The following RIMS2 variants were observed in gnomAD, a reference collection of about 807,000 sequenced individuals.
The protein encoded by RIMS2 is regulating synaptic membrane exocytosis 2.
A neutral mutation model predicts 174.4 loss-of-function variants in RIMS2; 59 were observed. That is an observed-to-expected ratio of 0.34 (90% confidence interval 0.27 to 0.42). The LOEUF is 0.42. RIMS2 is among the 10% of genes least tolerant of loss of function. The probability of loss-of-function intolerance (pLI) is 1.00; values close to 1 mark genes in which losing one functional copy is unlikely to be tolerated. For missense variants in RIMS2, 1,620 were observed against 1,666.3 expected (o/e 0.97, Z 0.48); for synonymous variants, 606 against 572.5 (o/e 1.06, Z -0.84).
At chr8:103,880,960 C>G (rs2099164434) in intron 3 of RIMS2, among the ~76,000 whole-genome samples, 1 of 151,312 alleles carries the variant, frequency 6.6e-6, no homozygotes, top group Non-Finnish European at 1.5e-5. Flanking sequence ...TGAAGTATTA[C>G]ATTAGTTTAT....
At chr8:103,761,679 A>G (rs1005644139) in intron 2 of RIMS2, among the ~76,000 whole-genome samples, 3 of 152,238 alleles carry the variant, frequency 2.0e-5, no homozygotes, top group Non-Finnish European at 4.4e-5. Context: ...AGAGGAAAGG[A>G]AATAAGTTGT....
intron 19 of RIMS2, among the ~76,000 whole-genome samples, chr8:104,216,022 A>G (rs2099128145): frequency 6.6e-6 from 1 of 152,200 alleles, no homozygotes; most frequent in South Asian, 2.1e-4. Context: ...ATTTTTGGAA[A>G]TATACTTTCA....
At chr8:103,703,842 T>A (rs2097194547) in intron 2 of RIMS2, among the ~76,000 whole-genome samples, 1 of 152,156 alleles carries the variant, frequency 6.6e-6, no homozygotes, top group Non-Finnish European at 1.5e-5. Context: ...TGATTTTGTA[T>A]CCTGTAACTT....
At chr8:103,894,582 A>C (rs766318728) in intron 4 of RIMS2, among the ~76,000 whole-genome samples, 11 of 151,640 alleles carry the variant, frequency 7.3e-5, no homozygotes, top group Non-Finnish European at 1.2e-4. Flanking sequence ...ATGAAAAGAA[A>C]ATTTTTGAAG....
intron 19 of RIMS2, among the ~76,000 whole-genome samples, chr8:104,100,959 T>C (rs375907313): frequency 4.0e-5 from 5 of 123,638 alleles, no homozygotes; most frequent in East Asian, 5.2e-4. Context: ...GTATATATGA[T>C]ATATTATATA....
At chr8:103,733,187 T>G (rs902574148) in intron 2 of RIMS2, among the ~76,000 whole-genome samples, 2 of 152,066 alleles carry the variant, frequency 1.3e-5, no homozygotes, top group Non-Finnish European at 2.9e-5. Context: ...GGCAGCGGGT[T>G]CTCTTCTTGC....
intron 2 of RIMS2, among the ~76,000 whole-genome samples, chr8:103,739,677 C>T (rs2097735961): frequency 6.6e-6 from 1 of 152,118 alleles, no homozygotes; most frequent in African/African-American, 2.4e-5. Flanking sequence ...TTGATCCAGT[C>T]ATTTGAAATT....
intron 1 of RIMS2, among the ~76,000 whole-genome samples, chr8:103,538,551 C>G (rs1456476795): frequency 6.6e-6 from 1 of 150,852 alleles, no homozygotes; most frequent in Non-Finnish European, 1.5e-5. Context: ...GAGTCTCGCT[C>G]TGTTGCCCAG....
chr8:104,103,925 A>T (rs1203380856), intron 19 of RIMS2, among the ~76,000 whole-genome samples: 1 of 152,162 alleles, frequency 6.6e-6, no homozygotes, highest in Non-Finnish European at 1.5e-5. Flanking sequence ...GCAAGTGACA[A>T]ATTTGAGGCT....
At chr8:104,032,990 A>T (rs1303877656) in intron 19 of RIMS2, among the ~76,000 whole-genome samples, 1 of 151,980 alleles carries the variant, frequency 6.6e-6, no homozygotes, top group Admixed American at 6.6e-5. Context: ...TTACAATTGT[A>T]GTAAGTGCTA....
intron 1 of RIMS2, among the ~76,000 whole-genome samples, chr8:103,589,570 A>G (rs2094145066): frequency 6.6e-6 from 1 of 151,616 alleles, no homozygotes; most frequent in African/African-American, 2.4e-5. Context: ...CAGTACACCC[A>G]CTGCTGGGTA....
intron 3 of RIMS2, among the ~76,000 whole-genome samples, chr8:103,831,328 G>T (rs1265849026): frequency 6.6e-6 from 1 of 152,148 alleles, no homozygotes; most frequent in East Asian, 1.9e-4. Flanking sequence ...GGGGTGAGAA[G>T]CCTCATCTTT....
chr8:104,243,141 T>C (rs72667405), intron 19 of RIMS2, among the ~76,000 whole-genome samples: 1 of 152,318 alleles, frequency 6.6e-6, no homozygotes, highest in Non-Finnish European at 1.5e-5. Flanking sequence ...CTTGTTACAG[T>C]TCATATCAGT....
At chr8:104,073,080 T>A (rs2097221571) in intron 19 of RIMS2, among the ~76,000 whole-genome samples, 1 of 152,194 alleles carries the variant, frequency 6.6e-6, no homozygotes, top group Non-Finnish European at 1.5e-5. Context: ...AAATCAACTT[T>A]CTTTCCTCTT....
intron 2 of RIMS2, among the ~76,000 whole-genome samples, chr8:103,735,691 T>TG (rs1356768439): frequency 2.0e-5 from 3 of 152,178 alleles, no homozygotes; most frequent in Admixed American, 6.5e-5. Context: ...ATATTTGGCC[T>TG]GGGATTAGTG....
intron 1 of RIMS2, among the ~76,000 whole-genome samples, chr8:103,694,807 A>G (rs1030928704): frequency 1.3e-5 from 2 of 152,202 alleles, no homozygotes; most frequent in African/African-American, 2.4e-5. Context: ...GCCTGAGGTC[A>G]GGGAAGCCAG....
intron 19 of RIMS2, among the ~76,000 whole-genome samples, chr8:104,075,493 C>T (rs1421517332): frequency 1.3e-5 from 2 of 152,174 alleles, no homozygotes; most frequent in African/African-American, 4.8e-5. Flanking sequence ...ATCACTTACT[C>T]ATGATTTTCA....
chr8:103,976,062 A>G (rs2093392968), intron 16 of RIMS2: 1 of 152,240 alleles, frequency 6.6e-6, no homozygotes, highest in Admixed American at 6.5e-5. Context: ...TAGAAACAAT[A>G]CTTTACCAGC....
At chr8:104,203,150 ATAG>A (rs374131166) in intron 19 of RIMS2, among the ~76,000 whole-genome samples, 2 of 152,358 alleles carry the variant, frequency 1.3e-5, no homozygotes, top group Non-Finnish European at 2.9e-5. Flanking sequence ...GAAAACATTT[ATAG>A]TAGTAATACA....
Sources: gnomAD v4.1 joint callset for allele counts (sites outside exome capture counted in the v4.1 genomes callset) on GRCh38, gnomAD v4.1.1 for gene constraint, MANE v1.5 for transcripts, NCBI Gene and HGNC (gene_info 2026-07-23, HGNC 2026-07-21) for gene names.